The following PXDNL variants were observed in gnomAD, a reference collection of about 807,000 sequenced individuals.
PXDNL encodes peroxidasin like.
Under a neutral mutation model 150.8 loss-of-function variants are expected in PXDNL, and 145 were observed. The observed-to-expected ratio is 0.96, with a 90% CI of 0.84 to 1.10. The LOEUF is 1.10. PXDNL is among the 50% of genes least tolerant of loss of function. The probability of loss-of-function intolerance (pLI) is 0.00; values close to 1 mark genes in which losing one functional copy is unlikely to be tolerated. For missense variants in PXDNL, 2,087 were observed against 1,873.9 expected (o/e 1.11, Z -2.10); for synonymous variants, 757 against 725.7 (o/e 1.04, Z -0.69).
intron 17 of PXDNL, among the ~76,000 whole-genome samples, chr8:51,385,724 T>A (rs1040718785): frequency 6.6e-6 from 1 of 152,230 alleles, no homozygotes; most frequent in Non-Finnish European, 1.5e-5. Context: ...GGAGGGGATC[T>A]GGTGGAAGAT....
At chr8:51,492,668 C>A (rs949271684) in intron 5 of PXDNL, among the ~76,000 whole-genome samples, 1 of 152,154 alleles carries the variant, frequency 6.6e-6, no homozygotes, top group African/African-American at 2.4e-5. Context: ...CCTACGCCCA[C>A]GGAGCCTCTC....
chr8:51,590,558 G>A (rs1159157963), intron 3 of PXDNL, among the ~76,000 whole-genome samples: 2 of 152,192 alleles, frequency 1.3e-5, no homozygotes, highest in Non-Finnish European at 2.9e-5. Flanking sequence ...GTGGCAAATG[G>A]AGTAAATGAT....
chr8:51,771,312 T>C (rs780770100), intron 1 of PXDNL, among the ~76,000 whole-genome samples: 1 of 152,210 alleles, frequency 6.6e-6, no homozygotes, highest in Non-Finnish European at 1.5e-5. Context: ...CACTTATCCA[T>C]TCATTTACAG....
intron 1 of PXDNL, among the ~76,000 whole-genome samples, chr8:51,808,868 T>C (rs13279123): frequency 0.51 from 77,154 of 152,014 alleles, 23,678 homozygotes; most frequent in Non-Finnish European, 0.68. Flanking sequence ...AGAGGATGAA[T>C]AGGAATAAAT....
At chr8:51,569,305 A>T (rs1244997145) in intron 3 of PXDNL, among the ~76,000 whole-genome samples, 1 of 151,946 alleles carries the variant, frequency 6.6e-6, no homozygotes, top group African/African-American at 2.4e-5. Flanking sequence ...CGAATTTCTA[A>T]TTAATTTCCA....
At chr8:51,578,154 AAG>A (rs921956956) in intron 3 of PXDNL, among the ~76,000 whole-genome samples, 2 of 84,858 alleles carry the variant, frequency 2.4e-5, no homozygotes, top group African/African-American at 8.8e-5. Flanking sequence ...GAGAGAAAGA[AAG>A]AGAAAGAAAG....
intron 2 of PXDNL, among the ~76,000 whole-genome samples, chr8:51,609,066 C>T (rs1813941212): frequency 6.6e-6 from 1 of 152,048 alleles, no homozygotes; most frequent in Non-Finnish European, 1.5e-5. Context: ...ACAAAGGCAT[C>T]TTTAAGGATT....
chr8:51,648,701 T>C (rs2130792475), intron 2 of PXDNL, among the ~76,000 whole-genome samples: 1 of 152,348 alleles, frequency 6.6e-6, no homozygotes, highest in Non-Finnish European at 1.5e-5. Context: ...TTATTTTGTT[T>C]AATCATTACA....
At chr8:51,739,249 A>G (rs1414436545) in intron 1 of PXDNL, among the ~76,000 whole-genome samples, 2 of 152,164 alleles carry the variant, frequency 1.3e-5, no homozygotes, top group Non-Finnish European at 2.9e-5. Context: ...AGCAGAAGTC[A>G]ACCTGATAAA....
chr8:51,415,518 G>A (rs2129661548), intron 14 of PXDNL, among the ~76,000 whole-genome samples: 1 of 152,228 alleles, frequency 6.6e-6, no homozygotes, highest in East Asian at 1.9e-4. Flanking sequence ...AGAACAGCAA[G>A]AGGGAAACTC....
intron 1 of PXDNL, among the ~76,000 whole-genome samples, chr8:51,799,727 G>A (rs1027635531): frequency 2.0e-5 from 3 of 152,276 alleles, no homozygotes; most frequent in East Asian, 1.9e-4. Flanking sequence ...GGAAGGGAAC[G>A]GCTCCAGGTA....
rs1419973598 is a variant in PXDNL at position 51,643,588 on chromosome 8, C to A, written c.236+11101G>T. ...AATGTTAGACCTAAAACCATAAAAACCCTAGAACAAAACCTAGGCAATACC... is the reference window on the plus strand; with the variant it reads ...AATGTTAGACCTAAAACCATAAAAAACCTAGAACAAAACCTAGGCAATACC... On this transcript the variant is annotated intron_variant, in intron 2 of 22. Transcript: ENST00000356297. Among the ~76,000 whole-genome samples, 18 of 152,258 alleles carry A rather than the reference C, an allele frequency of 1.2e-4. No homozygotes were observed. In the East Asian group the frequency reaches 3.3e-3, roughly 28 times the overall value.
Position 51,408,854 on chromosome 8 carries a change from A to G in PXDNL, c.2770T>C (p.Phe924Leu), listed in dbSNP as rs755574390. The change falls in exon 17 of 23, where the codon TTT (phenylalanine) becomes CTT (leucine). Residue 924 changes from phenylalanine (F) to leucine (L), a missense_variant. Physicochemically the swap from Phe to Leu is conservative, Grantham distance 22. Transcript: ENST00000356297. ...GGCTTTCCGGAGGGAGGCCAAGGAA[A>G]GCCTGTCTTCAGGAGACCCCGAGGC... ...SVPRGLLKTG[F>L]PWPPSGKPLL... 4.4e-6 allele frequency: 7 copies of G among 1,581,294 alleles called. No homozygotes were observed. Among genetic ancestry groups the G allele is most frequent in the Non-Finnish European group, 6.0e-6 (7 of 1,164,630 alleles).
chr8:51,629,736 A>G (rs2130752372), intron 2 of PXDNL, among the ~76,000 whole-genome samples: 1 of 152,256 alleles, frequency 6.6e-6, no homozygotes, highest in African/African-American at 2.4e-5. Context: ...ATCATCAGAA[A>G]CCATGCAGAC....
chr8:51,537,320 AC>A (rs1335415777), intron 4 of PXDNL, among the ~76,000 whole-genome samples: 2 of 152,232 alleles, frequency 1.3e-5, no homozygotes, highest in African/African-American at 4.8e-5. Flanking sequence ...CCATGATAAG[AC>A]AAAAGTTTTC....
chr8:51,644,318 T>TATATATATATATATATA (rs1814852884), intron 2 of PXDNL, among the ~76,000 whole-genome samples: 4 of 63,266 alleles, frequency 6.3e-5, no homozygotes, highest in Non-Finnish European at 8.3e-5. Context: ...AGGCACATTT[T>TATATATATATATATATA]TACATATATA....
intron 3 of PXDNL, among the ~76,000 whole-genome samples, chr8:51,574,568 T>A (rs931224711): frequency 2.6e-5 from 4 of 151,952 alleles, no homozygotes; most frequent in Non-Finnish European, 4.4e-5. Flanking sequence ...CAGATTCAAG[T>A]TGCTGAGTGA....
chr8:51,359,823 C>A (rs1431629), intron 19 of PXDNL, among the ~76,000 whole-genome samples: 111,170 of 151,718 alleles, frequency 0.73, 41,272 homozygotes, highest in East Asian at 0.94. Context: ...CCTATCGCAC[C>A]TATCCATCCA....
At chr8:51,675,708 A>C (rs1175944270) in intron 1 of PXDNL, among the ~76,000 whole-genome samples, 1 of 143,332 alleles carries the variant, frequency 7.0e-6, no homozygotes, top group African/African-American at 2.8e-5. Context: ...CAGGAGAATC[A>C]CTCAAACCCG....
Sources: allele counts gnomAD v4.1 joint callset (sites outside exome capture counted in the v4.1 genomes callset), GRCh38; gene constraint gnomAD v4.1.1; transcripts MANE v1.5; gene names NCBI Gene and HGNC (gene_info 2026-07-23, HGNC 2026-07-21).